DAAM2: variants seen among roughly 807,000 people sequenced by gnomAD.
The protein encoded by DAAM2 is disheveled-associated activator of morphogenesis 2.
A neutral mutation model predicts 120.7 loss-of-function variants in DAAM2; 39 were observed. The observed-to-expected ratio is 0.32, with a 90% CI of 0.25 to 0.42. DAAM2 has a LOEUF of 0.42. Among genes scored for constraint, DAAM2 ranks in the 10% least tolerant of loss-of-function variants. The probability of loss-of-function intolerance (pLI) is 1.00; values close to 1 mark genes in which losing one functional copy is unlikely to be tolerated. For synonymous variants in DAAM2, 488 were observed against 524.9 expected (o/e 0.93, Z 0.96); for missense variants, 1,283 against 1,401.7 (o/e 0.92, Z 1.35).
At position 39,878,456 on chromosome 6, in the gene DAAM2, A is replaced by G; in HGVS notation, c.1413A>G (p.Thr471=). The change falls in exon 13 of 25, where the codon ACA becomes ACG. Residue 471 remains threonine (T), a synonymous_variant. Coordinates refer to ENST00000274867, the MANE Select transcript of DAAM2 (RefSeq NM_001201427.2). The surrounding 1 kb of genome is among the most constrained non-coding windows in gnomAD (Gnocchi z 5.0). The stretch of plus-strand genomic sequence containing the variant: ...AGAGGAAGGAGCGGGAATGCGAGAC[A>G]AAGACATTGGAGAAGGAAGAGATGA... ...RLERKERECE[T]KTLEKEEMMR... 6.2e-7 allele frequency: 1 copy of G among 1,611,834 alleles called. No homozygotes were observed. Among genetic ancestry groups the G allele is most frequent in the Non-Finnish European group, 8.5e-7 (1 of 1,178,886 alleles).
rs933336879 is a variant in DAAM2 at position 39,879,230 on chromosome 6, C to T, written c.1598C>T (p.Ser533Phe). The change falls in exon 14 of 25, where the codon TCC becomes TTC. Residue 533 changes from serine to phenylalanine, a missense_variant. By Grantham distance (155) the Ser-to-Phe change is radical. This residue lies in a region of DAAM2 where 748 missense variants were observed against 768.6 expected (regional missense o/e 0.97). Transcript: ENST00000274867. ...PPPGGPLTLS[S>F]SMTTNDLPPP... is the part of the protein sequence containing the mutation. ...CCTGGGGGCCCACTCACCTTGTCTT[C>T]CTCAATGACAACCAATGACCTGCCT... 2 of 1,550,262 alleles carry T rather than the reference C, an allele frequency of 1.3e-6. No homozygotes were observed. Among genetic ancestry groups the T allele is most frequent in the Non-Finnish European group, 1.7e-6 (2 of 1,146,158 alleles).
At chr6:39,862,953 C>G (rs1024856741) in intron 3 of DAAM2, 1 of 152,210 alleles carries the variant, frequency 6.6e-6, no homozygotes, top group Non-Finnish European at 1.5e-5. Context: ...ATAACACCCT[C>G]CCCACCTGTC....
chr6:39,798,833 T>A (rs1761776713), intron 1 of DAAM2, among the ~76,000 whole-genome samples: 1 of 151,562 alleles, frequency 6.6e-6, no homozygotes, highest in African/African-American at 2.4e-5. Flanking sequence ...CCCCTTTTCC[T>A]CCTTATTCCC....
rs1762245408 is a variant in DAAM2 at position 39,814,197 on chromosome 6, T to G, written c.-57+21732T>G. 2.6e-5 allele frequency among the ~76,000 whole-genome samples: 4 copies of G among 152,018 alleles called. No individual in the cohort carries two copies. The South Asian group carries it at 8.3e-4, about 32-fold the overall frequency. On this transcript the variant is annotated intron_variant, in intron 1 of 24. Transcript: ENST00000274867. ...TTCTTTTTCTTTCTTTCTTTTTTTTTTTTTCTCGCTCATCAGCTATCGTTA... is the reference window on the plus strand; with the variant it reads ...TTCTTTTTCTTTCTTTCTTTTTTTTGTTTTCTCGCTCATCAGCTATCGTTA...
intron 23 of DAAM2, 75 bp downstream of exon 23, chr6:39,900,283 A>C: frequency 1.3e-6 from 2 of 1,543,276 alleles, no homozygotes; most frequent in South Asian, 2.4e-5. Context: ...TTCCTACCAC[A>C]GACAGCCCAG....
In DAAM2 at chr6:39,825,730, T is replaced by G. The variant is rs112771324; in HGVS notation, c.-56-30517T>G. Among the ~76,000 whole-genome samples the G allele has an allele frequency of 1.6e-3, 242 of 151,976 alleles. 1 individual carries two copies. Among genetic ancestry groups the G allele is most frequent in the Middle Eastern group, 0.01 (3 of 294 alleles). On this transcript the variant is annotated intron_variant, in intron 1 of 24. Transcript: ENST00000274867. ...TCTGCACCCCGATATCTGTACTGAGTGTACTGAGTGTACTCTTTCCCAGGT... is the reference window on the plus strand; with the variant it reads ...TCTGCACCCCGATATCTGTACTGAGGGTACTGAGTGTACTCTTTCCCAGGT...
At chr6:39,884,259 G>C (rs537000586) in intron 15 of DAAM2, 190 bp downstream of exon 15, 1 of 549,760 alleles carries the variant, frequency 1.8e-6, no homozygotes, top group Admixed American at 3.0e-5. Context: ...TTTATGAGGT[G>C]ATGATTTTAT....
At chr6:39,828,570 C>CTTTTCTTTTTTTTT (rs1762762226) in intron 1 of DAAM2, among the ~76,000 whole-genome samples, 1 of 142,554 alleles carries the variant, frequency 7.0e-6, no homozygotes, top group African/African-American at 2.6e-5. Context: ...CCCCCTCCGT[C>CTTTTCTTTTTTTTT]TTTTTTTTTT....
chr6:39,891,389 C>T lies in DAAM2; in HGVS notation c.2194C>T (p.His732Tyr). 2.5e-6 allele frequency: 4 copies of T among 1,611,674 alleles called. No homozygotes were observed. Among genetic ancestry groups the T allele is most frequent in the Non-Finnish European group, 3.4e-6 (4 of 1,178,934 alleles). Reference sequence around the variant, plus strand: ...GAGTGACATTGACCTCCTGGAGGAGCACAAGCATGAAATTGAGCGGATGGC... The same window carrying T: ...GAGTGACATTGACCTCCTGGAGGAGTACAAGCATGAAATTGAGCGGATGGC... ...EKSDIDLLEE[H>Y]KHEIERMARA... The change falls in exon 18 of 25, where the codon CAC becomes TAC. Residue 732 changes from histidine (H) to tyrosine (Y), a missense_variant. By Grantham distance (83) the His-to-Tyr change is moderately conservative. Coordinates refer to ENST00000274867, the MANE Select transcript of DAAM2 (RefSeq NM_001201427.2).
intron 1 of DAAM2, among the ~76,000 whole-genome samples, chr6:39,837,663 C>CA (rs758751293): frequency 0.17 from 6,699 of 40,402 alleles, 516 homozygotes; most frequent in African/African-American, 0.17. Flanking sequence ...AACTCCATCT[C>CA]AAAAAAAAAA....
chr6:39,841,343 G>A (rs886834809), intron 1 of DAAM2, among the ~76,000 whole-genome samples: 6 of 142,286 alleles, frequency 4.2e-5, no homozygotes, highest in Non-Finnish European at 9.2e-5. Flanking sequence ...GGTTCCAGGG[G>A]GAGAGGCTCC....
rs1562076884 is a variant in DAAM2, at chr6:39,904,843, A to ATATT, written c.*2807_*2810dup. 2.2e-6 allele frequency: 1 copy of ATATT among 454,146 alleles called. No homozygotes were observed. Among genetic ancestry groups the ATATT allele is most frequent in the Admixed American group, 2.3e-5 (1 of 42,580 alleles). 28.1% of individuals were successfully genotyped at this position (454,146 alleles called of 1,614,324 possible). ...TAAGAATATATTGTAATACTAAAAA[A>ATATT]TATTAAATTCATACCATCCCTACCC... is the stretch of plus-strand genomic sequence containing the variant. On this transcript the variant is annotated 3_prime_UTR_variant, in exon 25 of 25. Transcript: ENST00000274867.
At chr6:39,865,752 A>C (rs1764405256) in intron 5 of DAAM2, among the ~76,000 whole-genome samples, 1 of 152,234 alleles carries the variant, frequency 6.6e-6, no homozygotes, top group African/African-American at 2.4e-5. Flanking sequence ...CTATGATTAA[A>C]ATTTCAATTG....
At chr6:39,899,102 G>A (rs760295155) in intron 22 of DAAM2, 165 bp downstream of exon 22, 39 of 628,726 alleles carry the variant, frequency 6.2e-5, no homozygotes, top group Non-Finnish European at 1.0e-4. Context: ...TTAAGTTTGA[G>A]CCTTTTAAAA....
Position 39,891,656 on chromosome 6 carries a change from C to A in DAAM2, c.2275C>A (p.Leu759Met). Residue 759 changes from leucine (L) to methionine (M), a missense_variant, in exon 19 of 25, where the codon CTG (leucine) becomes ATG (methionine). Physicochemically the swap from Leu to Met is conservative, Grantham distance 15 (BLOSUM62 2). This residue lies in a region of DAAM2 where 748 missense variants were observed against 768.6 expected (regional missense o/e 0.97). Coordinates refer to ENST00000274867, the MANE Select transcript of DAAM2 (RefSeq NM_001201427.2). The part of the protein sequence containing the change: ...MSRIDHYQQR[L>M]QALFFKKKFQ... Reference sequence around the variant, plus strand: ...CAGGATTGACCACTACCAGCAGCGACTGCAAGCCCTCTTCTTCAAGAAGAA... The same window carrying A: ...CAGGATTGACCACTACCAGCAGCGAATGCAAGCCCTCTTCTTCAAGAAGAA... 1 of 1,611,686 alleles carries A rather than the reference C, an allele frequency of 6.2e-7. No individual in the cohort carries two copies.
Position 39,867,595 on chromosome 6 carries a change from C to T in DAAM2, c.514C>T (p.Arg172Cys), listed in dbSNP as rs367610796. 5.4e-5 allele frequency: 87 copies of T among 1,614,034 alleles called. No individual in the cohort carries two copies. Among genetic ancestry groups the T allele is most frequent in the Middle Eastern group, 4.9e-4 (3 of 6,062 alleles). Residue 172 changes from arginine (R) to cysteine (C), a missense_variant, in exon 6 of 25, where the codon CGC becomes TGC. Around this residue, in one of 3 missense-constraint regions of DAAM2, gnomAD observed 338 missense variants for 443.9 expected, o/e 0.76. Transcript: ENST00000274867. ...CATGGACCACGCCACCTGTGAGAGC[C>T]GCATCCACACCTCACTCATTGGCTG... Reference protein sequence around the residue: ...RSMDHATCESRIHTSLIGCIK... With the variant: ...RSMDHATCESCIHTSLIGCIK...
intron 7 of DAAM2, 112 bp downstream of exon 7, chr6:39,869,045 C>A: frequency 2.5e-6 from 2 of 815,122 alleles, no homozygotes; most frequent in Non-Finnish European, 4.1e-6. Flanking sequence ...CCTGGGAGGG[C>A]TCCTGGGGAG....
chr6:39,885,314 C>G (rs1185408759), intron 15 of DAAM2: 2 of 152,278 alleles, frequency 1.3e-5, no homozygotes, highest in Non-Finnish European at 2.9e-5. Flanking sequence ...GTCAGGCTGG[C>G]AGCTAAGGCT....
In DAAM2 at chr6:39,878,908, C is replaced by T. The variant is rs573528230; in HGVS notation, c.1546-270C>T. Among the ~76,000 whole-genome samples, 1 of 152,220 alleles carries T rather than the reference C, an allele frequency of 6.6e-6. No individual in the cohort carries two copies. The highest frequency in any genetic ancestry group is 1.5e-5 in the Non-Finnish European group (1 of 68,006). ...AACCTACACAACTGCATAGATCAGT[C>T]CTGCTGTTGCATTGTGATGGCTATG... On this transcript the variant is annotated intron_variant, in intron 13 of 24. Transcript: ENST00000274867. This position sits in a 1 kb window ranked among gnomAD's most constrained non-coding sequence, Gnocchi z 5.0.
Sources: allele counts gnomAD v4.1 joint callset (sites outside exome capture counted in the v4.1 genomes callset), GRCh38; gene constraint gnomAD v4.1.1; regional missense constraint gnomAD v4.1.1; non-coding constraint Gnocchi (gnomAD v3.1); transcripts MANE v1.5; gene names NCBI Gene and HGNC (gene_info 2026-07-23, HGNC 2026-07-21).